TIAM1: variants seen among roughly 807,000 people sequenced by gnomAD.
TIAM1 encodes the protein rho guanine nucleotide exchange factor TIAM1.
TIAM1 carries 65 observed loss-of-function variants against 163.5 expected under a neutral mutation model. That is an observed-to-expected ratio of 0.40 (90% CI 0.33 to 0.49). The LOEUF (loss-of-function observed/expected upper bound fraction) is 0.49, where lower values mean the gene tolerates loss of function less well. TIAM1 is among the 20% of genes least tolerant of loss of function. The probability of loss-of-function intolerance (pLI) is 0.77; values close to 1 mark genes in which losing one functional copy is unlikely to be tolerated. For synonymous variants in TIAM1, 833 were observed against 810.1 expected, an observed-to-expected ratio of 1.03 and a Z score of -0.48; for missense variants, 1,789 against 2,044.7, an observed-to-expected ratio of 0.87 and a Z score of 2.41.
chr21:31,222,707 ATTTTTTTTTTTTTTTTT>A (rs527864043), intron 8 of TIAM1, among the ~76,000 whole-genome samples: 23 of 32,890 alleles, frequency 7.0e-4, no homozygotes, highest in African/African-American at 3.0e-3. Context: ...ATATATATAT[ATTTTTTTTTTTTTTTTT>A]TTTTTTTTTT....
intron 2 of TIAM1, among the ~76,000 whole-genome samples, chr21:31,370,151 G>A (rs892167258): frequency 3.3e-5 from 5 of 152,138 alleles, no homozygotes; most frequent in African/African-American, 1.2e-4. Flanking sequence ...ATAAATTTCT[G>A]TTCTATCTAA....
chr21:31,471,290 T>G (rs1178302137), intron 1 of TIAM1, among the ~76,000 whole-genome samples: 1 of 152,172 alleles, frequency 6.6e-6, no homozygotes, highest in Non-Finnish European at 1.5e-5. Context: ...TCAGGAGCTG[T>G]GTGGGGAGGA....
rs561654120 is a variant in TIAM1 at position 31,461,657 on chromosome 21, AAT to A, written c.-369+2324_-369+2325del. Among the ~76,000 whole-genome samples, 857 of 152,216 alleles carry A rather than the reference AAT, an allele frequency of 5.6e-3. 1 individual carries two copies. Among genetic ancestry groups the A allele is most frequent in the Non-Finnish European group, 8.3e-3 (564 of 68,014 alleles). On this transcript the variant is annotated intron_variant, in intron 2 of 28. Coordinates refer to the TIAM1 transcript ENST00000286827. ...CAAGAGTAAACAAGGAAAATTAAAT[AAT>A]TTTGATCCTTTTGTGTGTGTGTGAG...
intron 10 of TIAM1, among the ~76,000 whole-genome samples, chr21:31,212,030 CA>C (rs1324775877): frequency 6.6e-6 from 1 of 152,182 alleles, no homozygotes; most frequent in Non-Finnish European, 1.5e-5. Context: ...AAGTTAACAT[CA>C]AAAACTATGC....
intron 10 of TIAM1, among the ~76,000 whole-genome samples, chr21:31,212,236 C>G (rs1275762398): frequency 6.6e-6 from 1 of 152,124 alleles, no homozygotes; most frequent in Non-Finnish European, 1.5e-5. Flanking sequence ...CCTCCAATAG[C>G]AGAACTCCCC....
intron 2 of TIAM1, among the ~76,000 whole-genome samples, chr21:31,434,071 T>G (rs558751256): frequency 1.3e-5 from 2 of 152,248 alleles, no homozygotes; most frequent in African/African-American, 2.4e-5. Context: ...GTGCTAGGAT[T>G]ATAGCAACCG....
chr21:31,360,213 C>T (rs114891638), intron 2 of TIAM1, among the ~76,000 whole-genome samples: 228 of 151,828 alleles, frequency 1.5e-3, no homozygotes, highest in African/African-American at 5.1e-3. Context: ...AGAAAATCAC[C>T]GCCAACTGAG....
intron 5 of TIAM1, among the ~76,000 whole-genome samples, chr21:31,248,880 C>T (rs1161801508): frequency 3.9e-5 from 6 of 152,078 alleles, no homozygotes; most frequent in Non-Finnish European, 7.4e-5. Context: ...GGGCTGTGCT[C>T]CTGGACACCT....
intron 12 of TIAM1, among the ~76,000 whole-genome samples, chr21:31,199,437 C>T (rs771216295): frequency 9.2e-5 from 14 of 152,008 alleles, no homozygotes; most frequent in Non-Finnish European, 1.6e-4. Context: ...GTGCCCTCTC[C>T]GCCAATCCTC....
chr21:31,179,348 T>C lies in TIAM1; in HGVS notation c.2887+3073A>G, dbSNP rs147633856. On this transcript the variant is annotated intron_variant, in intron 15 of 27. Transcript: ENST00000541036. ...GTTGCAGTGAGCCAAGATGGCGCCATTGCACTCCAGCCTGGGCAACAAGAC... is the reference window on the plus strand; with the variant it reads ...GTTGCAGTGAGCCAAGATGGCGCCACTGCACTCCAGCCTGGGCAACAAGAC... Among the ~76,000 whole-genome samples the C allele has an allele frequency of 9.2e-5, 14 of 151,612 alleles. No homozygotes were observed. In the East Asian group the frequency reaches 2.6e-3, roughly 28 times the overall value.
At chr21:31,352,545 T>TAAAA (rs35386667) in intron 2 of TIAM1, among the ~76,000 whole-genome samples, 1 of 132,498 alleles carries the variant, frequency 7.5e-6, no homozygotes, top group African/African-American at 2.8e-5. Context: ...TATGTAGCTT[T>TAAAA]AAAAAAAAAA....
At chr21:31,229,656 C>A (rs187187864) in intron 6 of TIAM1, among the ~76,000 whole-genome samples, 5 of 148,974 alleles carry the variant, frequency 3.4e-5, no homozygotes, top group Admixed American at 1.3e-4. Flanking sequence ...CTTCACCCCC[C>A]CTTTTTTTTT....
At chr21:31,321,293 T>G (rs755569466) in intron 2 of TIAM1, among the ~76,000 whole-genome samples, 3 of 152,138 alleles carry the variant, frequency 2.0e-5, no homozygotes, top group Admixed American at 6.5e-5. Context: ...CTGAGGCCGG[T>G]CCACACTGCC....
intron 1 of TIAM1, among the ~76,000 whole-genome samples, chr21:31,343,501 C>A (rs1378882568): frequency 6.6e-6 from 1 of 152,118 alleles, no homozygotes; most frequent in African/African-American, 2.4e-5. Flanking sequence ...AAAAAATGAT[C>A]CAGATAAACA....
At chr21:31,313,397 A>G (rs2075001199) in intron 2 of TIAM1, among the ~76,000 whole-genome samples, 1 of 152,088 alleles carries the variant, frequency 6.6e-6, no homozygotes, top group Non-Finnish European at 1.5e-5. Flanking sequence ...TTGAGTTTCA[A>G]TGTTATTCTG....
At chr21:31,538,434 T>A (rs1052267991) in intron 1 of TIAM1, among the ~76,000 whole-genome samples, 1 of 152,198 alleles carries the variant, frequency 6.6e-6, no homozygotes, top group Non-Finnish European at 1.5e-5. Flanking sequence ...TCTCAGCTAC[T>A]CAGGAGGCTG....
At chr21:31,479,713 G>A (rs183076011) in intron 1 of TIAM1, among the ~76,000 whole-genome samples, 3 of 152,226 alleles carry the variant, frequency 2.0e-5, no homozygotes, top group Non-Finnish European at 2.9e-5. Context: ...GGAAGGATAA[G>A]AAGAGGAGAA....
chr21:31,217,746 C>T, intron 8 of TIAM1, 47 bp from the exon 9 acceptor site: 1 of 1,593,936 alleles, frequency 6.3e-7, no homozygotes, highest in Non-Finnish European at 8.6e-7. Flanking sequence ...GCATCAGGAC[C>T]ACCCACTTGT....
chr21:31,532,542 A>G (rs1290050477), intron 1 of TIAM1, among the ~76,000 whole-genome samples: 1 of 152,206 alleles, frequency 6.6e-6, no homozygotes, highest in Non-Finnish European at 1.5e-5. Flanking sequence ...CACTGATATA[A>G]TGTCTACCTA....
Sources: allele counts gnomAD v4.1 joint callset (sites outside exome capture counted in the v4.1 genomes callset), GRCh38; gene constraint gnomAD v4.1.1; transcripts MANE v1.5; gene names NCBI Gene and HGNC (gene_info 2026-07-23, HGNC 2026-07-21).